Variants in RIN2 observed in about 807,000 individuals in gnomAD.
RIN2 encodes RAB5 interacting protein 2.
RIN2 carries 36 observed loss-of-function variants against 78.0 expected under a neutral mutation model. The observed-to-expected ratio is 0.46, with a 90% CI of 0.35 to 0.61. RIN2 has a LOEUF of 0.61. Ranked by LOEUF, RIN2 falls within the 20% of genes least tolerant of loss-of-function variation. The probability of loss-of-function intolerance (pLI) is 0.00; values close to 1 mark genes in which losing one functional copy is unlikely to be tolerated. For missense variants in RIN2, 1,087 were observed against 1,159.7 expected, an observed-to-expected ratio of 0.94 and a Z score of 0.91; for synonymous variants, 466 against 466.8, an observed-to-expected ratio of 1.00 and a Z score of 0.02.
chr20:19,840,656 C>T (rs1262697974), intron 2 of RIN2, among the ~76,000 whole-genome samples: 3 of 152,178 alleles, frequency 2.0e-5, no homozygotes, highest in Non-Finnish European at 2.9e-5. Context: ...CGTTCAGTCA[C>T]GCCTTGAAGT....
intron 3 of RIN2, among the ~76,000 whole-genome samples, chr20:19,914,430 G>T (rs755971695): frequency 6.6e-6 from 1 of 152,164 alleles, no homozygotes; most frequent in Non-Finnish European, 1.5e-5. Flanking sequence ...TTCCCAGTAT[G>T]TACTTTCCCA....
At chr20:19,965,495 G>T (rs1275929389) in intron 7 of RIN2, among the ~76,000 whole-genome samples, 1 of 152,190 alleles carries the variant, frequency 6.6e-6, no homozygotes, top group African/African-American at 2.4e-5. Flanking sequence ...TACAAATGTG[G>T]GTTCCTTAAA....
At chr20:19,877,475 GTGT>G (rs2037892392) in intron 2 of RIN2, among the ~76,000 whole-genome samples, 1 of 152,184 alleles carries the variant, frequency 6.6e-6, no homozygotes, top group Non-Finnish European at 1.5e-5. Context: ...CAGGGTTATA[GTGT>G]TGTAGACTCA....
chr20:19,787,529 TGTCATGGA>T (rs1295905457), intron 1 of RIN2, among the ~76,000 whole-genome samples: 4 of 151,988 alleles, frequency 2.6e-5, no homozygotes, highest in Admixed American at 1.3e-4. Context: ...TAGTGATTAA[TGTCATGGA>T]GTCAGATGGT....
chr20:19,934,618 A>G (rs1163093607), intron 3 of RIN2: 1 of 979,218 alleles, frequency 1.0e-6, no homozygotes, highest in Non-Finnish European at 1.2e-6. Flanking sequence ...TCAGAAATCA[A>G]TATGTAAGCT....
intron 3 of RIN2, among the ~76,000 whole-genome samples, chr20:19,897,474 A>G (rs1441996466): frequency 6.6e-6 from 1 of 152,106 alleles, no homozygotes. Flanking sequence ...CTGGACAGCA[A>G]AGGTTTAGCT....
intron 2 of RIN2, among the ~76,000 whole-genome samples, chr20:19,845,056 C>G (rs1195947334): frequency 6.6e-6 from 1 of 152,144 alleles, no homozygotes; most frequent in Non-Finnish European, 1.5e-5. Context: ...CTGCAAAGGA[C>G]ATGACCTCAT....
At chr20:19,979,068 G>A (rs2042369045) in intron 9 of RIN2, among the ~76,000 whole-genome samples, 1 of 152,142 alleles carries the variant, frequency 6.6e-6, no homozygotes, top group Non-Finnish European at 1.5e-5. Flanking sequence ...AAAGTTTCTG[G>A]TAGAGAAATC....
intron 2 of RIN2, among the ~76,000 whole-genome samples, chr20:19,808,473 C>T (rs117157820): frequency 7.2e-5 from 11 of 152,336 alleles, no homozygotes; most frequent in Non-Finnish European, 1.2e-4. Flanking sequence ...TCGGGTCTGC[C>T]ATGAGCTCTT....
chr20:19,962,169 A>C (rs1434113640), intron 6 of RIN2, among the ~76,000 whole-genome samples: 1 of 151,440 alleles, frequency 6.6e-6, no homozygotes, highest in African/African-American at 2.4e-5. Flanking sequence ...GCCAGGCATG[A>C]TGACACACGC....
chr20:19,955,581 C>G (rs1230165730), intron 4 of RIN2, among the ~76,000 whole-genome samples: 5 of 152,196 alleles, frequency 3.3e-5, no homozygotes, highest in African/African-American at 1.2e-4. Flanking sequence ...AAGTGATCTG[C>G]CTGCCTCAAC....
intron 2 of RIN2, among the ~76,000 whole-genome samples, chr20:19,870,924 T>C (rs1032510115): frequency 6.6e-6 from 1 of 152,244 alleles, no homozygotes; most frequent in African/African-American, 2.4e-5. Flanking sequence ...AGGTGTTGCC[T>C]AATTTCTCCA....
chr20:19,766,216 C>T (rs1046950283), intron 1 of RIN2, among the ~76,000 whole-genome samples: 1 of 152,148 alleles, frequency 6.6e-6, no homozygotes, highest in Non-Finnish European at 1.5e-5. Context: ...AACACTGTCT[C>T]TGGGCACACC....
intron 3 of RIN2, among the ~76,000 whole-genome samples, chr20:19,928,697 G>A (rs531068547): frequency 1.3e-5 from 2 of 152,242 alleles, no homozygotes; most frequent in East Asian, 3.9e-4. Flanking sequence ...GCACTCAGGT[G>A]AACACCTCAG....
At chr20:19,911,223 T>A (rs1253975765) in intron 3 of RIN2, among the ~76,000 whole-genome samples, 1 of 151,940 alleles carries the variant, frequency 6.6e-6, no homozygotes, top group Non-Finnish European at 1.5e-5. Flanking sequence ...GCTAATTTTT[T>A]AATTTTTTTA....
In RIN2 at chr20:19,960,699, G is replaced by T; in HGVS notation, c.352-1G>T. ...GCTTGTATTTCTTTTCCCTCCACTA[G>T]ATCTTCCTGGTTCATAAATCTACCA... On this transcript the variant is annotated splice_acceptor_variant, in intron 5 of 12. Coordinates refer to ENST00000255006, the MANE Select transcript of RIN2 (RefSeq NM_018993.4). LOFTEE classifies it high-confidence loss of function. 6.3e-7 allele frequency: 1 copy of T among 1,582,684 alleles called. No individual in the cohort carries two copies. Among genetic ancestry groups the T allele is most frequent in the Non-Finnish European group, 8.6e-7 (1 of 1,161,786 alleles).
chr20:19,948,858 AG>A (rs572155978), intron 4 of RIN2, among the ~76,000 whole-genome samples: 360 of 152,186 alleles, frequency 2.4e-3, no homozygotes, highest in African/African-American at 8.2e-3. Flanking sequence ...GCTCGAATGT[AG>A]TGGCATGATC....
chr20:19,857,797 G>A (rs1286948084), intron 2 of RIN2, among the ~76,000 whole-genome samples: 1 of 152,086 alleles, frequency 6.6e-6, no homozygotes, highest in African/African-American at 2.4e-5. Flanking sequence ...GCCAGTCTGG[G>A]CAACAAAGTG....
intron 9 of RIN2, among the ~76,000 whole-genome samples, chr20:19,989,568 G>T (rs1414892047): frequency 6.6e-6 from 1 of 152,100 alleles, no homozygotes; most frequent in Admixed American, 6.5e-5. Context: ...GAGCTACCAC[G>T]CCTGGCCCTC....
Sources: gnomAD v4.1 joint callset for allele counts (sites outside exome capture counted in the v4.1 genomes callset) on GRCh38, gnomAD v4.1.1 for gene constraint, MANE v1.5 for transcripts, NCBI Gene and HGNC (gene_info 2026-07-23, HGNC 2026-07-21) for gene names.